The following NR6A1 variants were observed in gnomAD, a reference collection of about 807,000 sequenced individuals.
NR6A1 encodes the protein nuclear receptor subfamily 6 group A member 1.
In NR6A1, 7 loss-of-function variants were observed where a neutral mutation model predicts 59.1. The observed-to-expected ratio is 0.12, with a 90% CI of 0.07 to 0.22. The LOEUF (loss-of-function observed/expected upper bound fraction) is 0.22. NR6A1 is among the 10% of genes least tolerant of loss of function. The probability of loss-of-function intolerance (pLI) is 1.00; values close to 1 mark genes in which losing one functional copy is unlikely to be tolerated. For synonymous variants in NR6A1, 243 were observed against 236.1 expected (o/e 1.03, Z -0.27); for missense variants, 468 against 611.6 (o/e 0.77, Z 2.48).
intron 2 of NR6A1, 79 bp from the exon 3 acceptor site, chr9:124,554,649 G>T: frequency 1.3e-6 from 2 of 1,573,004 alleles, no homozygotes; most frequent in East Asian, 2.2e-5. Context: ...CTCTGCTCTG[G>T]GTAGATTAAG....
intron 2 of NR6A1, among the ~76,000 whole-genome samples, chr9:124,592,705 C>G (rs959421486): frequency 5.3e-5 from 8 of 152,172 alleles, no homozygotes; most frequent in African/African-American, 1.9e-4. Context: ...ATTTGTCTGT[C>G]TGCAAGCCAC....
At chr9:124,736,252 G>A (rs540581059) in intron 1 of NR6A1, among the ~76,000 whole-genome samples, 1 of 152,200 alleles carries the variant, frequency 6.6e-6, no homozygotes, top group Admixed American at 6.5e-5. Flanking sequence ...TATACTAGAA[G>A]TCTCAAAAAA....
At chr9:124,584,793 G>A (rs553536396) in intron 2 of NR6A1, among the ~76,000 whole-genome samples, 4 of 152,120 alleles carry the variant, frequency 2.6e-5, no homozygotes, top group African/African-American at 4.8e-5. Context: ...AGGCCTCTAT[G>A]TGTTCAAGTG....
intron 2 of NR6A1, among the ~76,000 whole-genome samples, chr9:124,710,547 CTCT>C (rs907494466): frequency 2.6e-5 from 4 of 152,200 alleles, no homozygotes; most frequent in African/African-American, 9.7e-5. Context: ...CCTTCCCAAC[CTCT>C]TAGCCCCATG....
intron 2 of NR6A1, among the ~76,000 whole-genome samples, chr9:124,584,848 C>T (rs1834876985): frequency 6.6e-6 from 1 of 152,136 alleles, no homozygotes; most frequent in Non-Finnish European, 1.5e-5. Context: ...AGCTAGAAAT[C>T]GTTAAGCTTA....
At chr9:124,593,351 C>T (rs1322466139) in intron 2 of NR6A1, among the ~76,000 whole-genome samples, 1 of 151,884 alleles carries the variant, frequency 6.6e-6, no homozygotes, top group East Asian at 1.9e-4. Flanking sequence ...TTTTTCATTC[C>T]CTTAATGATG....
chr9:124,621,560 G>A (rs1836077488), intron 2 of NR6A1, among the ~76,000 whole-genome samples: 1 of 151,868 alleles, frequency 6.6e-6, no homozygotes. Context: ...AGGATACGGT[G>A]GGAGTATCAC....
chr9:124,636,832 T>C (rs951095444), intron 2 of NR6A1, among the ~76,000 whole-genome samples: 1 of 152,180 alleles, frequency 6.6e-6, no homozygotes, highest in African/African-American at 2.4e-5. Context: ...TCACAGAGAT[T>C]TGTTTAACAT....
chr9:124,679,336 T>C (rs1234750661), intron 2 of NR6A1, among the ~76,000 whole-genome samples: 1 of 152,184 alleles, frequency 6.6e-6, no homozygotes, highest in Non-Finnish European at 1.5e-5. Context: ...CAAACTGATT[T>C]GTTAAGCTGT....
chr9:124,548,509 A>G (rs1449700099), intron 3 of NR6A1, among the ~76,000 whole-genome samples: 1 of 152,212 alleles, frequency 6.6e-6, no homozygotes, highest in African/African-American at 2.4e-5. Context: ...ATGTAAAAAA[A>G]AAAGTTCATA....
intron 1 of NR6A1, among the ~76,000 whole-genome samples, chr9:124,753,666 T>A (rs998587319): frequency 2.0e-5 from 3 of 152,188 alleles, no homozygotes; most frequent in Admixed American, 6.5e-5. Flanking sequence ...TAGTGCTGAG[T>A]GTTCAACAAC....
chr9:124,744,037 G>A (rs1840252758), intron 1 of NR6A1, among the ~76,000 whole-genome samples: 1 of 152,110 alleles, frequency 6.6e-6, no homozygotes, highest in Non-Finnish European at 1.5e-5. Flanking sequence ...AACCAGCCTG[G>A]GCAATATAGT....
Position 124,660,842 on chromosome 9 carries a change from C to T in NR6A1, c.142+72466G>A, listed in dbSNP as rs556090116. 6.0e-4 allele frequency among the ~76,000 whole-genome samples: 91 copies of T among 151,986 alleles called. 1 individual carries two copies. In the South Asian group the frequency reaches 0.018, roughly 31 times the overall value. On this transcript the variant is annotated intron_variant, in intron 2 of 9. Coordinates refer to ENST00000487099, the MANE Select transcript of NR6A1 (RefSeq NM_033334.4). Reference sequence around the variant, plus strand: ...GCACAGTAAGAAATATCAAAAGCATCCAGAGTTGATTAGCTGTACACTCTG... The same window carrying T: ...GCACAGTAAGAAATATCAAAAGCATTCAGAGTTGATTAGCTGTACACTCTG...
chr9:124,594,766 A>G (rs1395390892), intron 2 of NR6A1, among the ~76,000 whole-genome samples: 1 of 152,180 alleles, frequency 6.6e-6, no homozygotes, highest in African/African-American at 2.4e-5. Context: ...GAAGAATGCT[A>G]TTATCAGAGG....
intron 2 of NR6A1, among the ~76,000 whole-genome samples, chr9:124,584,969 C>T (rs778981768): frequency 6.6e-6 from 1 of 152,328 alleles, no homozygotes; most frequent in Middle Eastern, 3.4e-3. Flanking sequence ...AAAAGTGCTA[C>T]TCCAGTGAAC....
Position 124,543,870 on chromosome 9 carries a change from A to AT in NR6A1, c.386-14dup. On this transcript the variant is annotated splice_polypyrimidine_tract_variant and intron_variant, in intron 3 of 9. Coordinates refer to ENST00000487099, the MANE Select transcript of NR6A1 (RefSeq NM_033334.4). ...TCTTCTCTGATAGCTGGAAGGAAAG[A>AT]TAAGTCAAGAAAGGCAGTCAGAAGC... 2 of 1,613,286 alleles carry AT rather than the reference A, an allele frequency of 1.2e-6. No individual in the cohort carries two copies. Among genetic ancestry groups the AT allele is most frequent in the Non-Finnish European group, 1.7e-6 (2 of 1,179,592 alleles).
intron 2 of NR6A1, among the ~76,000 whole-genome samples, chr9:124,670,216 C>CAAAA (rs1245931470): frequency 1.2e-5 from 1 of 82,132 alleles, no homozygotes. Flanking sequence ...CTCATCTCTG[C>CAAAA]AAAAAAAAAA....
chr9:124,533,944 C>T (rs958761779), intron 7 of NR6A1, among the ~76,000 whole-genome samples: 12 of 150,836 alleles, frequency 8.0e-5, no homozygotes, highest in African/African-American at 2.9e-4. Context: ...CCACCGCACC[C>T]GGCCAGGGGC....
chr9:124,675,133 C>T lies in NR6A1; in HGVS notation c.142+58175G>A, dbSNP rs545921998. Among the ~76,000 whole-genome samples the T allele has an allele frequency of 7.9e-5, 12 of 152,288 alleles. No individual in the cohort carries two copies. The East Asian group carries it at 1.3e-3, about 17-fold the overall frequency. ...GCAAGTCAGAAGAGGTATCTAAAGA[C>T]GCAAAAATGCAAGCAAGTAAACATT... On this transcript the variant is annotated intron_variant, in intron 2 of 9. Coordinates refer to ENST00000487099, the MANE Select transcript of NR6A1 (RefSeq NM_033334.4).
Sources: gnomAD v4.1 joint callset for allele counts (sites outside exome capture counted in the v4.1 genomes callset) on GRCh38, gnomAD v4.1.1 for gene constraint, MANE v1.5 for transcripts, NCBI Gene and HGNC (gene_info 2026-07-23, HGNC 2026-07-21) for gene names.